The following FRMPD4 variants were observed in gnomAD, a reference collection of about 807,000 sequenced individuals.
FRMPD4 encodes the protein FERM and PDZ domain-containing protein 4.
Under a neutral mutation model 94.1 loss-of-function variants are expected in FRMPD4, and 22 were observed. The observed-to-expected ratio is 0.23, with a 90% confidence interval of 0.17 to 0.33. The LOEUF (loss-of-function observed/expected upper bound fraction) is 0.33. Among genes scored for constraint, FRMPD4 ranks in the 10% least tolerant of loss-of-function variants. The pLI is 1.00. For synonymous variants in FRMPD4, 631 were observed against 548.6 expected (o/e 1.15, Z -2.10); for missense variants, 1,111 against 1,339.9 (o/e 0.83, Z 2.67).
At chrX:12,348,206 A>C (rs932906777) in intron 1 of FRMPD4, among the ~76,000 whole-genome samples, 1 of 112,196 alleles carries the variant, frequency 8.9e-6, no homozygotes, top group African/African-American at 3.2e-5. Flanking sequence ...AAGGTTGGAA[A>C]TGAAACTGTA....
At chrX:12,659,688 G>A (rs2059695253) in intron 4 of FRMPD4, among the ~76,000 whole-genome samples, 2 of 112,808 alleles carry the variant, frequency 1.8e-5, no homozygotes, top group Admixed American at 1.9e-4. Flanking sequence ...TTTGCTGAAG[G>A]AATGAATGCA....
chrX:12,437,400 T>C (rs867948993), intron 1 of FRMPD4, among the ~76,000 whole-genome samples: 2 of 107,939 alleles, frequency 1.9e-5, no homozygotes, highest in Non-Finnish European at 3.8e-5. Flanking sequence ...ATATATTCTT[T>C]TTTCTTTCTT....
chrX:12,179,574 T>C (rs762356717), intron 1 of FRMPD4, among the ~76,000 whole-genome samples: 1 of 111,823 alleles, frequency 8.9e-6, no homozygotes, highest in East Asian at 2.8e-4. Flanking sequence ...GTTCTACATA[T>C]AAAAATGACA....
intron 4 of FRMPD4, among the ~76,000 whole-genome samples, chrX:12,645,347 C>CTTTTTTTTTTTTTTTTTTTTTTTTTTT (rs138817056): frequency 5.4e-5 from 3 of 55,642 alleles, no homozygotes; most frequent in African/African-American, 1.7e-4. Context: ...CACTCTCACT[C>CTTTTTTTTTTTTTTTTTTTTTTTTTTT]TTTTTTTTTT....
chrX:12,678,167 C>G (rs73432848), intron 5 of FRMPD4, among the ~76,000 whole-genome samples: 267 of 112,530 alleles, frequency 2.4e-3, no homozygotes, highest in African/African-American at 8.2e-3. Flanking sequence ...ATAAGCATCA[C>G]TTAAATGGCT....
chrX:12,517,194 A>T (rs1362426730), intron 2 of FRMPD4, among the ~76,000 whole-genome samples: 1 of 110,923 alleles, frequency 9.0e-6, no homozygotes, highest in Non-Finnish European at 1.9e-5. Context: ...CACCTTCTGA[A>T]GCCTACTTCT....
At chrX:11,920,847 G>A (rs1167537101) in intron 3 of FRMPD4, among the ~76,000 whole-genome samples, 1 of 111,341 alleles carries the variant, frequency 9.0e-6, no homozygotes, top group African/African-American at 3.3e-5. Flanking sequence ...AGCAGAGGCA[G>A]CCCTAGACAA....
At chrX:11,859,536 A>G (rs1359457469) in intron 1 of FRMPD4, among the ~76,000 whole-genome samples, 3 of 112,186 alleles carry the variant, frequency 2.7e-5, no homozygotes, top group African/African-American at 9.7e-5. Flanking sequence ...GCCATTTTCC[A>G]AGACTTTGTA....
intron 1 of FRMPD4, among the ~76,000 whole-genome samples, chrX:12,408,195 C>T (rs753022113): frequency 1.1e-4 from 12 of 105,518 alleles, no homozygotes; most frequent in African/African-American, 2.8e-4. Context: ...GTAGGACCAT[C>T]GAAGTATAAT....
At chrX:12,158,638 T>C (rs1285909665) in intron 1 of FRMPD4, among the ~76,000 whole-genome samples, 1 of 112,209 alleles carries the variant, frequency 8.9e-6, no homozygotes, top group African/African-American at 3.2e-5. Context: ...TGTCTTTTTT[T>C]CACTTAAGTC....
chrX:12,321,060 A>G (rs2055200584), intron 1 of FRMPD4, among the ~76,000 whole-genome samples: 1 of 112,240 alleles, frequency 8.9e-6, no homozygotes, highest in South Asian at 3.7e-4. Flanking sequence ...ATTGTAGAAA[A>G]TATTCCATAA....
At chrX:12,274,818 G>A (rs1478461538) in intron 1 of FRMPD4, among the ~76,000 whole-genome samples, 28 of 112,215 alleles carry the variant, frequency 2.5e-4, no homozygotes, top group African/African-American at 9.1e-4. Context: ...GACCATCCTG[G>A]CTAACATGGT....
At chrX:12,633,921 T>G (rs1414638050) in intron 4 of FRMPD4, among the ~76,000 whole-genome samples, 4 of 112,624 alleles carry the variant, frequency 3.6e-5, no homozygotes, top group Admixed American at 1.9e-4. Flanking sequence ...TGATAACAAC[T>G]TAAAGATAAA....
intron 3 of FRMPD4, among the ~76,000 whole-genome samples, chrX:12,112,519 A>G (rs1380727649): frequency 9.0e-6 from 1 of 111,128 alleles, no homozygotes; most frequent in African/African-American, 3.3e-5. Context: ...ATACATATGT[A>G]ACAAACCTGC....
In FRMPD4 at chrX:12,653,298, C is replaced by G. The variant is rs190795364; in HGVS notation, c.423-21565C>G. ...AGAACCTTTTTATCTTTGCTTTTCACTGAGGAAAGGAAGTTTTAGGTTAGA... is the reference window on the plus strand; with the variant it reads ...AGAACCTTTTTATCTTTGCTTTTCAGTGAGGAAAGGAAGTTTTAGGTTAGA... On this transcript the variant is annotated intron_variant, in intron 4 of 16. Coordinates refer to ENST00000675598, the MANE Select transcript of FRMPD4 (RefSeq NM_001368397.1). Among the ~76,000 whole-genome samples the G allele has an allele frequency of 3.6e-5, 4 of 112,279 alleles. No individual in the cohort carries two copies. In the East Asian group the frequency reaches 1.1e-3, roughly 31 times the overall value.
intron 3 of FRMPD4, among the ~76,000 whole-genome samples, chrX:11,967,756 G>GTGTGTGTGTTTTTTTTTTTTTTTT (rs36019385): frequency 3.1e-5 from 2 of 65,567 alleles, no homozygotes; most frequent in Non-Finnish European, 5.7e-5. Context: ...GTGTGTGTGT[G>GTGTGTGTGTTTTTTTTTTTTTTTT]TTTTTTTTTT....
At chrX:12,558,866 T>A (rs1286887922) in intron 2 of FRMPD4, among the ~76,000 whole-genome samples, 2 of 112,053 alleles carry the variant, frequency 1.8e-5, no homozygotes, top group Non-Finnish European at 3.8e-5. Flanking sequence ...TGCCTGTGAA[T>A]AGCCACTGCA....
At chrX:12,124,963 C>T (rs975443455) in intron 3 of FRMPD4, among the ~76,000 whole-genome samples, 3 of 112,144 alleles carry the variant, frequency 2.7e-5, no homozygotes, top group Non-Finnish European at 5.6e-5. Flanking sequence ...TTGCATAGTA[C>T]GTTTCCCAAC....
chrX:12,056,025 T>A (rs915558997), intron 3 of FRMPD4, among the ~76,000 whole-genome samples: 4 of 112,206 alleles, frequency 3.6e-5, no homozygotes, highest in African/African-American at 1.3e-4. Context: ...GTTAGCAGAT[T>A]GATTTTTTAT....
Sources: gnomAD v4.1 joint callset for allele counts (sites outside exome capture counted in the v4.1 genomes callset) on GRCh38, gnomAD v4.1.1 for gene constraint, MANE v1.5 for transcripts, NCBI Gene and HGNC (gene_info 2026-07-23, HGNC 2026-07-21) for gene names.